RYR3: variants seen among roughly 807,000 people sequenced by gnomAD.
The protein encoded by RYR3 is ryanodine receptor 3, also known as brain ryanodine receptor-calcium release channel.
In RYR3, 207 loss-of-function variants were observed where a neutral mutation model predicts 584.3. The observed-to-expected ratio is 0.35, with a 90% CI of 0.32 to 0.40. The LOEUF is 0.40. Ranked by LOEUF, RYR3 falls within the 10% of genes least tolerant of loss-of-function variation. The pLI, the probability that RYR3 is intolerant of heterozygous loss-of-function variation, is 1.00. For synonymous variants in RYR3, 2,416 were observed against 2,248.5 expected, an observed-to-expected ratio of 1.07 and a Z score of -2.11; for missense variants, 5,616 against 6,089.2, an observed-to-expected ratio of 0.92 and a Z score of 2.59.
At chr15:33,332,913 A>T in intron 1 of RYR3, among the ~76,000 whole-genome samples, 1 of 152,054 alleles carries the variant, frequency 6.6e-6, no homozygotes, top group East Asian at 1.9e-4. Context: ...TGTTGCAACT[A>T]CTCAACTTTG....
intron 1 of RYR3, among the ~76,000 whole-genome samples, chr15:33,368,416 C>T (rs1240965663): frequency 7.7e-6 from 1 of 129,974 alleles, no homozygotes; most frequent in African/African-American, 2.9e-5. Flanking sequence ...CTTCTCTTCT[C>T]TTAGAGTCAG....
intron 43 of RYR3, among the ~76,000 whole-genome samples, chr15:33,722,305 T>C (rs1425995163): frequency 2.6e-5 from 4 of 152,236 alleles, no homozygotes; most frequent in African/African-American, 9.6e-5. Flanking sequence ...CTCAGTAGTT[T>C]ATTAACTGCC....
intron 16 of RYR3, among the ~76,000 whole-genome samples, chr15:33,590,593 AT>A (rs35327301): frequency 4.1e-5 from 6 of 146,438 alleles, no homozygotes; most frequent in South Asian, 4.3e-4. Context: ...GTGTTTCGTA[AT>A]TTTTTTTAGA....
chr15:33,755,248 CTG>C (rs1292677106), intron 58 of RYR3, 68 bp downstream of exon 58: 1 of 968,204 alleles, frequency 1.0e-6, no homozygotes. Flanking sequence ...TCCTTTCAGA[CTG>C]TAACTTTTTA....
In RYR3 at chr15:33,732,529, GGTAAA is replaced by G. The variant is rs2069061763; in HGVS notation, c.7424+838_7424+842del. 2.0e-5 allele frequency among the ~76,000 whole-genome samples: 3 copies of G among 152,208 alleles called. No individual in the cohort carries two copies. In the South Asian group the frequency reaches 6.2e-4, roughly 32 times the overall value. On this transcript the variant is annotated intron_variant, in intron 48 of 103. Transcript: ENST00000634891. The stretch of plus-strand genomic sequence containing the variant: ...GCATCAGAGCCAGCTGAGGACAAAA[GGTAAA>G]GTCACCCCAAGAGCCTTGGGTCTTC...
chr15:33,680,694 T>A (rs1382132936), intron 38 of RYR3, among the ~76,000 whole-genome samples: 1 of 152,124 alleles, frequency 6.6e-6, no homozygotes, highest in East Asian at 1.9e-4. Flanking sequence ...TGAAATAAGT[T>A]TGGGTCATTT....
chr15:33,684,390 G>C (rs542973089), intron 38 of RYR3, among the ~76,000 whole-genome samples: 1 of 152,284 alleles, frequency 6.6e-6, no homozygotes, highest in South Asian at 2.1e-4. Flanking sequence ...CAACAGACCT[G>C]CAGCTGAGGG....
chr15:33,643,373 T>C (rs1421622387), intron 27 of RYR3, among the ~76,000 whole-genome samples: 3 of 152,178 alleles, frequency 2.0e-5, no homozygotes, highest in African/African-American at 7.2e-5. Context: ...ACAATTATGA[T>C]TTATAAATAG....
intron 1 of RYR3, among the ~76,000 whole-genome samples, chr15:33,367,894 AACTT>A (rs1205117203): frequency 1.3e-5 from 2 of 152,230 alleles, no homozygotes; most frequent in African/African-American, 4.8e-5. Context: ...TTGCAGAGAT[AACTT>A]ACTTACATAA....
chr15:33,631,936 T>C (rs563931923), intron 23 of RYR3, among the ~76,000 whole-genome samples: 29 of 152,308 alleles, frequency 1.9e-4, no homozygotes, highest in African/African-American at 7.0e-4. Context: ...CCTTCTTTCC[T>C]CTTAAACTTC....
intron 64 of RYR3, among the ~76,000 whole-genome samples, chr15:33,776,776 CTT>C (rs140620583): frequency 0.018 from 2,713 of 152,276 alleles, 75 homozygotes; most frequent in African/African-American, 0.061. Flanking sequence ...ACTTTGATGA[CTT>C]TGTCTTTTCC....
At chr15:33,346,945 T>A (rs913349933) in intron 1 of RYR3, among the ~76,000 whole-genome samples, 2 of 152,088 alleles carry the variant, frequency 1.3e-5, no homozygotes, top group African/African-American at 4.8e-5. Flanking sequence ...TCCACAAAAA[T>A]TTTAAAAAAA....
intron 29 of RYR3, among the ~76,000 whole-genome samples, chr15:33,646,827 G>C (rs2062131324): frequency 6.6e-6 from 1 of 152,198 alleles, no homozygotes; most frequent in South Asian, 2.1e-4. Flanking sequence ...CCTGTGTTTT[G>C]TGAGTGCATA....
At chr15:33,346,705 C>T (rs1972500173) in intron 1 of RYR3, among the ~76,000 whole-genome samples, 1 of 152,102 alleles carries the variant, frequency 6.6e-6, no homozygotes, top group Non-Finnish European at 1.5e-5. Flanking sequence ...AGGTTTTCCC[C>T]TGAACTTTGC....
chr15:33,854,712 A>G (rs2079463936), intron 97 of RYR3, 54 bp from the exon 98 acceptor site: 1 of 1,551,886 alleles, frequency 6.4e-7, no homozygotes, highest in African/African-American at 1.4e-5. Context: ...ATGTTTTATA[A>G]TGAGCACACT....
At chr15:33,432,694 G>GTGTGTGTGTGTGTGTGTGTGTA (rs1243653764) in intron 1 of RYR3, among the ~76,000 whole-genome samples, 27 of 149,144 alleles carry the variant, frequency 1.8e-4, no homozygotes, top group African/African-American at 6.5e-4. Flanking sequence ...GTGTGTGTGT[G>GTGTGTGTGTGTGTGTGTGTGTA]TGTTTAAAGT....
intron 10 of RYR3, among the ~76,000 whole-genome samples, chr15:33,552,449 A>G (rs1051167646): frequency 1.3e-5 from 2 of 152,208 alleles, no homozygotes; most frequent in African/African-American, 4.8e-5. Context: ...CACGGGGGCC[A>G]TCGGCATAGC....
chr15:33,590,585 G>GT (rs1243995217), intron 16 of RYR3, among the ~76,000 whole-genome samples: 1 of 148,074 alleles, frequency 6.8e-6, no homozygotes, highest in Non-Finnish European at 1.5e-5. Flanking sequence ...TTTCATCAGT[G>GT]TTTCGTAATT....
chr15:33,791,647 G>A (rs1207650441), intron 67 of RYR3, among the ~76,000 whole-genome samples: 1 of 152,156 alleles, frequency 6.6e-6, no homozygotes, highest in Non-Finnish European at 1.5e-5. Flanking sequence ...AGACCCATCA[G>A]CACATTGTCT....
Sources: allele counts gnomAD v4.1 joint callset (sites outside exome capture counted in the v4.1 genomes callset), GRCh38; gene constraint gnomAD v4.1.1; transcripts MANE v1.5; gene names NCBI Gene and HGNC (gene_info 2026-07-23, HGNC 2026-07-21).